The following DCC variants were observed in gnomAD, a reference collection of about 807,000 sequenced individuals.
The protein encoded by DCC is netrin receptor DCC.
DCC carries 58 observed loss-of-function variants against 172.5 expected under a neutral mutation model. The ratio of observed to expected loss-of-function variants is 0.34; its 90% CI spans 0.27 to 0.42. The LOEUF is 0.42. Among genes scored for constraint, DCC ranks in the 10% least tolerant of loss-of-function variants. DCC has a pLI of 1.00. For missense variants in DCC, 1,740 were observed against 1,791.0 expected (o/e 0.97, Z 0.51); for synonymous variants, 709 against 644.5 (o/e 1.10, Z -1.52).
chr18:53,451,609 G>A (rs1323670315), intron 23 of DCC, among the ~76,000 whole-genome samples: 1 of 152,112 alleles, frequency 6.6e-6, no homozygotes, highest in Non-Finnish European at 1.5e-5. Flanking sequence ...TGAGGTATGG[G>A]TTCATAGGTG....
chr18:52,899,648 C>T (rs887540130), intron 2 of DCC, among the ~76,000 whole-genome samples: 6 of 151,872 alleles, frequency 4.0e-5, no homozygotes, highest in African/African-American at 1.2e-4. Context: ...AGCCACCGTG[C>T]CCGGCCTTAA....
In DCC at chr18:53,435,190, T is replaced by G; in HGVS notation, c.3210T>G (p.Ile1070Met). The G allele has an allele frequency of 6.2e-7, 1 of 1,604,118 alleles. No individual in the cohort carries two copies. The highest frequency in any genetic ancestry group is 8.5e-7 in the Non-Finnish European group (1 of 1,171,050). ...GGYWPVDTNL[I>M]DRSTLNEPPI... Reference sequence around the variant, plus strand: ...ATTGGCCAGTTGATACTAATTTGATTGATAGAAGCACCCTAAATGGTAAGT... The same window carrying G: ...ATTGGCCAGTTGATACTAATTTGATGGATAGAAGCACCCTAAATGGTAAGT... The change falls in exon 22 of 29, where the codon ATT becomes ATG. Residue 1070 changes from isoleucine (I) to methionine (M), a missense_variant. Ile to Met is a conservative substitution (Grantham distance 10, BLOSUM62 1). Transcript: ENST00000442544.
At chr18:52,536,552 C>G (rs2032295565) in intron 1 of DCC, among the ~76,000 whole-genome samples, 1 of 152,038 alleles carries the variant, frequency 6.6e-6, no homozygotes, top group East Asian at 1.9e-4. Context: ...ATGAAAACAT[C>G]AGTGTTTCTC....
At chr18:53,311,763 C>A (rs1294252468) in intron 13 of DCC, among the ~76,000 whole-genome samples, 1 of 151,986 alleles carries the variant, frequency 6.6e-6, no homozygotes, top group Non-Finnish European at 1.5e-5. Context: ...TTATGTATCC[C>A]CATTTTATGG....
Position 53,339,730 on chromosome 18 carries a change from C to A in DCC, c.2182C>A (p.Gln728Lys), listed in dbSNP as rs1467904140. The A allele has an allele frequency of 6.2e-7, 1 of 1,613,774 alleles. No individual in the cohort carries two copies. The highest frequency in any genetic ancestry group is 2.2e-5 in the East Asian group (1 of 44,878). Residue 728 changes from glutamine to lysine, a missense_variant, in exon 15 of 29, where the codon CAA becomes AAA. Around this residue, in one of 2 missense-constraint regions of DCC, gnomAD observed 1,732 missense variants for 1,767.4 expected, o/e 0.98. Coordinates refer to ENST00000442544, the MANE Select transcript of DCC (RefSeq NM_005215.4). ...AATGCTAGAATCTCAAGTTCCTGAT[C>A]AACCAAGCTCTCTTCATGTGAGGCC... ...NDLDESQVPD[Q>K]PSSLHVRPQT...
At chr18:52,985,840 TC>T (rs948387115) in intron 5 of DCC, among the ~76,000 whole-genome samples, 9 of 152,148 alleles carry the variant, frequency 5.9e-5, no homozygotes, top group African/African-American at 2.2e-4. Context: ...TTTTTAAGCT[TC>T]AAGAACCCTT....
At chr18:53,351,449 ATATATATACACAGTGTG>A (rs1308512346) in intron 15 of DCC, among the ~76,000 whole-genome samples, 8 of 49,302 alleles carry the variant, frequency 1.6e-4, no homozygotes, top group African/African-American at 4.4e-4. Context: ...CAGTGTATAT[ATATATATACACAGTGTG>A]TATATATATA....
At chr18:52,709,897 A>G (rs1265558155) in intron 1 of DCC, among the ~76,000 whole-genome samples, 1 of 152,228 alleles carries the variant, frequency 6.6e-6, no homozygotes, top group Admixed American at 6.5e-5. Flanking sequence ...AATAGCAGTG[A>G]GATAGATTTT....
chr18:52,809,800 C>A (rs902279563), intron 2 of DCC, among the ~76,000 whole-genome samples: 3 of 152,208 alleles, frequency 2.0e-5, no homozygotes, highest in African/African-American at 7.2e-5. Flanking sequence ...CCACTCCCAA[C>A]TCGAATGCCT....
intron 1 of DCC, among the ~76,000 whole-genome samples, chr18:52,577,312 A>G (rs965143724): frequency 6.6e-6 from 1 of 152,208 alleles, no homozygotes; most frequent in African/African-American, 2.4e-5. Flanking sequence ...ACTAATCACT[A>G]ATCAACTTGA....
At chr18:53,326,855 G>A (rs2057473428) in intron 14 of DCC, among the ~76,000 whole-genome samples, 1 of 152,120 alleles carries the variant, frequency 6.6e-6, no homozygotes, top group Non-Finnish European at 1.5e-5. Flanking sequence ...GAAATGGGAG[G>A]CATTCTTTGC....
intron 12 of DCC, among the ~76,000 whole-genome samples, chr18:53,251,547 G>A (rs1334033124): frequency 2.0e-5 from 3 of 151,888 alleles, no homozygotes; most frequent in Non-Finnish European, 1.5e-5. Context: ...CTCAAATGGA[G>A]TCTTCTTACA....
At chr18:52,555,391 A>T (rs1450543740) in intron 1 of DCC, among the ~76,000 whole-genome samples, 2 of 152,142 alleles carry the variant, frequency 1.3e-5, no homozygotes, top group Admixed American at 1.3e-4. Flanking sequence ...TAATGATTTG[A>T]AGAATGAATA....
At chr18:53,197,787 T>C (rs1283350346) in intron 9 of DCC, among the ~76,000 whole-genome samples, 1 of 152,078 alleles carries the variant, frequency 6.6e-6, no homozygotes, top group African/African-American at 2.4e-5. Context: ...ATTGCAAATA[T>C]CAAATTTCTT....
chr18:52,962,040 A>AGGCATG (rs2040850888), intron 5 of DCC, among the ~76,000 whole-genome samples: 1 of 152,118 alleles, frequency 6.6e-6, no homozygotes, highest in Admixed American at 6.5e-5. Flanking sequence ...TTCAGGACAT[A>AGGCATG]GGCATGGGCA....
intron 1 of DCC, among the ~76,000 whole-genome samples, chr18:52,440,377 C>A (rs1987936931): frequency 6.6e-6 from 1 of 152,060 alleles, no homozygotes; most frequent in South Asian, 2.1e-4. Context: ...ATCATTTTTT[C>A]TTTTTGTTTT....
intron 17 of DCC, among the ~76,000 whole-genome samples, chr18:53,393,095 A>G (rs781359701): frequency 4.6e-5 from 7 of 152,244 alleles, no homozygotes; most frequent in South Asian, 4.1e-4. Flanking sequence ...CTGAACTACC[A>G]TCCTCCTGAA....
intron 12 of DCC, among the ~76,000 whole-genome samples, chr18:53,292,287 T>C (rs924013146): frequency 6.6e-6 from 1 of 152,144 alleles, no homozygotes; most frequent in African/African-American, 2.4e-5. Flanking sequence ...AAACCATATA[T>C]GGTTACATAT....
intron 1 of DCC, among the ~76,000 whole-genome samples, chr18:52,374,341 C>A (rs1172191139): frequency 2.0e-5 from 3 of 152,088 alleles, no homozygotes; most frequent in Non-Finnish European, 4.4e-5. Flanking sequence ...ACGATCCAAG[C>A]TGAAAGTTGT....
Sources: gnomAD v4.1 joint callset for allele counts (sites outside exome capture counted in the v4.1 genomes callset) on GRCh38, gnomAD v4.1.1 for gene constraint, gnomAD v4.1.1 regional missense constraint, MANE v1.5 for transcripts, NCBI Gene and HGNC (gene_info 2026-07-23, HGNC 2026-07-21) for gene names.